MAJIN: variants seen among roughly 807,000 people sequenced by gnomAD.
MAJIN encodes the protein membrane-anchored junction protein.
MAJIN carries 27 observed loss-of-function variants against 30.2 expected under a neutral mutation model. The observed-to-expected ratio is 0.89, with a 90% confidence interval of 0.66 to 1.23. MAJIN has a LOEUF of 1.23. MAJIN is among the 50% of genes most tolerant of loss of function. The probability of loss-of-function intolerance (pLI) is 0.00; values close to 1 mark genes in which losing one functional copy is unlikely to be tolerated. For synonymous variants in MAJIN, 78 were observed against 91.6 expected (o/e 0.85, Z 0.85); for missense variants, 253 against 260.3 (o/e 0.97, Z 0.19).
intron 1 of MAJIN, among the ~76,000 whole-genome samples, chr11:64,960,592 C>T (rs1429109262): frequency 2.0e-5 from 3 of 152,144 alleles, no homozygotes. Context: ...CAGTCTGCTT[C>T]CTGGGGTTAT....
rs368620156 is a variant in MAJIN, at chr11:64,938,381, C to T, written c.*194G>A. The T allele has an allele frequency of 1.5e-5, 13 of 853,454 alleles. No individual in the cohort carries two copies. The highest frequency in any genetic ancestry group is 6.8e-5 in the Admixed American group (3 of 44,042). The allele number at this position is 853,454 out of a possible 1,614,324, so 52.9% of individuals were successfully genotyped here. ...ATCTATTATAAAGGGGCAAAGGACA[C>T]GATAAAACCACAGAGGACTCAGCAT... On this transcript the variant is annotated 3_prime_UTR_variant, in exon 11 of 11. Coordinates refer to ENST00000301896, the MANE Select transcript of MAJIN (RefSeq NM_001037225.3).
intron 1 of MAJIN, among the ~76,000 whole-genome samples, chr11:64,970,359 G>A (rs11231912): frequency 0.46 from 56,377 of 121,902 alleles, 15,070 homozygotes; most frequent in Non-Finnish European, 0.62. Flanking sequence ...GCAAGACTCC[G>A]TCTTTTTTTT....
Position 64,954,331 on chromosome 11 carries a change from G to T in MAJIN, c.147+426C>A, listed in dbSNP as rs1310683302. ...AAGTCGGAATAAGGCAATTGCAAAT[G>T]TTGCCAATTTAAATGAAGACACAGC... On this transcript the variant is annotated intron_variant, in intron 4 of 10. Coordinates refer to ENST00000301896, the MANE Select transcript of MAJIN (RefSeq NM_001037225.3). 3 of 292,572 alleles carry T rather than the reference G, an allele frequency of 1.0e-5. No individual in the cohort carries two copies. In the East Asian group the frequency reaches 2.8e-4, roughly 28 times the overall value. 18.1% of individuals were successfully genotyped at this position (292,572 alleles called of 1,614,324 possible). A position where few individuals can be genotyped will look rare whatever the true frequency, so the allele number is the denominator to read the frequency against.
At chr11:64,956,923 C>T (rs976128526) in intron 3 of MAJIN, among the ~76,000 whole-genome samples, 1 of 151,930 alleles carries the variant, frequency 6.6e-6, no homozygotes, top group Non-Finnish European at 1.5e-5. Flanking sequence ...CCCGCCATCA[C>T]GCCTCGCTAA....
chr11:64,947,385 T>TG lies in MAJIN; in HGVS notation c.461dup (p.Gly155ArgfsTer80), dbSNP rs1427612029. The TG allele has an allele frequency of 1.2e-6, 2 of 1,613,302 alleles. No homozygotes were observed. The highest frequency in any genetic ancestry group is 1.7e-6 in the Non-Finnish European group (2 of 1,179,964). On this transcript the variant is annotated frameshift_variant, in exon 8 of 11. Transcript: ENST00000301896. LOFTEE classifies it high-confidence loss of function. The stretch of plus-strand genomic sequence containing the variant: ...CCCACACCACTGACCTGTCCAGCCC[T>TG]GGCCTGCTGGGGGAGCTGGGCTCGT...
chr11:64,941,825 C>A (rs369498678), intron 8 of MAJIN, among the ~76,000 whole-genome samples: 1 of 151,902 alleles, frequency 6.6e-6, no homozygotes, highest in South Asian at 2.1e-4. Flanking sequence ...GTTGTCATGA[C>A]GGGGGTGAGG....
chr11:64,952,153 T>G (rs1945562159), intron 4 of MAJIN, among the ~76,000 whole-genome samples: 1 of 152,078 alleles, frequency 6.6e-6, no homozygotes. Flanking sequence ...CCTCCCAAAG[T>G]GCTAGGATTA....
At chr11:64,942,057 CA>C (rs1565120125) in intron 8 of MAJIN, among the ~76,000 whole-genome samples, 1 of 152,096 alleles carries the variant, frequency 6.6e-6, no homozygotes, top group Non-Finnish European at 1.5e-5. Context: ...AACCTGATTC[CA>C]GGCCCACAAC....
intron 8 of MAJIN, among the ~76,000 whole-genome samples, chr11:64,944,771 C>T (rs961070812): frequency 5.3e-5 from 8 of 152,040 alleles, no homozygotes; most frequent in African/African-American, 1.9e-4. Flanking sequence ...TGTTTGGATA[C>T]TTAGGGTCAC....
At position 64,959,224 on chromosome 11, in the gene MAJIN, A is replaced by C. The variant is rs1038529368; in HGVS notation, c.101+81T>G. On this transcript the variant is annotated intron_variant, in intron 3 of 10. Transcript: ENST00000301896. Reference sequence around the variant, plus strand: ...TTTACCAGTCTCCTGAACTGGGTGAAGGTAAAGAAGAGGTGACCTGTGGGA... The same window carrying C: ...TTTACCAGTCTCCTGAACTGGGTGACGGTAAAGAAGAGGTGACCTGTGGGA... The C allele has an allele frequency of 2.7e-5, 29 of 1,087,490 alleles. No homozygotes were observed. In the African/African-American group the frequency reaches 3.6e-4, roughly 13 times the overall value. The allele number at this position is 1,087,490 out of a possible 1,614,324, so 67.4% of individuals were successfully genotyped here.
intron 1 of MAJIN, among the ~76,000 whole-genome samples, chr11:64,962,145 G>C (rs1945737363): frequency 1.3e-5 from 2 of 152,110 alleles, no homozygotes; most frequent in South Asian, 4.1e-4. Context: ...CAGAGGGATG[G>C]GGCATCAGAG....
chr11:64,946,204 A>G, intron 8 of MAJIN: 11 of 1,491,108 alleles, frequency 7.4e-6, no homozygotes, highest in Non-Finnish European at 9.9e-6. Flanking sequence ...AGGCAATATC[A>G]CTACATTCAA....
intron 8 of MAJIN, among the ~76,000 whole-genome samples, chr11:64,947,078 T>C (rs1280972443): frequency 1.3e-5 from 2 of 152,246 alleles, no homozygotes; most frequent in African/African-American, 4.8e-5. Flanking sequence ...TCTGGTGATA[T>C]TAACATAGTA....
At chr11:64,945,184 C>T (rs140124638) in intron 8 of MAJIN, among the ~76,000 whole-genome samples, 4,205 of 152,016 alleles carry the variant, frequency 0.028, 197 homozygotes, top group African/African-American at 0.096. Flanking sequence ...GGTGAAACCC[C>T]GTCTCTACTA....
intron 8 of MAJIN, among the ~76,000 whole-genome samples, 185 bp from the exon 9 acceptor site, chr11:64,940,831 C>CTTTTTTTTT (rs1945364488): frequency 2.4e-5 from 2 of 85,042 alleles, no homozygotes; most frequent in Non-Finnish European, 4.5e-5. Context: ...TTCTTTTTTT[C>CTTTTTTTTT]TTTCTTTTTT....
intron 1 of MAJIN, among the ~76,000 whole-genome samples, chr11:64,965,958 A>G (rs1042780805): frequency 1.3e-5 from 2 of 149,934 alleles, no homozygotes; most frequent in Non-Finnish European, 3.0e-5. Context: ...TCTGTCTCAA[A>G]AAAAAAAAAA....
In MAJIN at chr11:64,959,349, T is replaced by A; in HGVS notation, c.57A>T (p.Gly19=). The A allele has an allele frequency of 6.2e-7, 1 of 1,614,026 alleles. No individual in the cohort carries two copies. Among genetic ancestry groups the A allele is most frequent in the Non-Finnish European group, 8.5e-7 (1 of 1,179,960 alleles). The change falls in exon 3 of 11, where the codon GGA becomes GGT. Residue 19 remains glycine (G), a synonymous_variant. Coordinates refer to ENST00000301896, the MANE Select transcript of MAJIN (RefSeq NM_001037225.3). ...TGATTTTGAATTTATACACATTGGG[T>A]CCTGCATGAAGAAACCTCGTCTCTG... is the stretch of plus-strand genomic sequence containing the variant. ...PFPETRFLHA[G]PNVYKFKIRY...
rs374622656 is a variant in MAJIN at position 64,943,387 on chromosome 11, C to T, written c.474-2741G>A. Among the ~76,000 whole-genome samples, 18 of 152,182 alleles carry T rather than the reference C, an allele frequency of 1.2e-4. No homozygotes were observed. The East Asian group carries it at 1.9e-3, about 16-fold the overall frequency. ...AAACACTTCTTATGAAACAGAGGTACGTGTTATATTCTTCTAAGCTTTCGC... is the reference window on the plus strand; with the variant it reads ...AAACACTTCTTATGAAACAGAGGTATGTGTTATATTCTTCTAAGCTTTCGC... On this transcript the variant is annotated intron_variant, in intron 8 of 10. Transcript: ENST00000301896.
chr11:64,942,103 G>A (rs1393568257), intron 8 of MAJIN, among the ~76,000 whole-genome samples: 1 of 151,914 alleles, frequency 6.6e-6, no homozygotes, highest in Non-Finnish European at 1.5e-5. Context: ...TCAGAAATAT[G>A]GTTATTATAT....
Sources: gnomAD v4.1 joint callset for allele counts (sites outside exome capture counted in the v4.1 genomes callset) on GRCh38, gnomAD v4.1.1 for gene constraint, MANE v1.5 for transcripts, NCBI Gene and HGNC (gene_info 2026-07-23, HGNC 2026-07-21) for gene names.